The following PDLIM1 variants were observed in gnomAD, a reference collection of about 807,000 sequenced individuals.
The protein encoded by PDLIM1 is PDZ and LIM domain 1.
Under a neutral mutation model 35.2 loss-of-function variants are expected in PDLIM1, and 25 were observed. The observed-to-expected ratio is 0.71, with a 90% confidence interval of 0.52 to 0.99. The LOEUF (loss-of-function observed/expected upper bound fraction) is 0.99. PDLIM1 is among the 50% of genes least tolerant of loss of function. The pLI is 0.00. For synonymous variants in PDLIM1, 152 were observed against 154.0 expected (o/e 0.99, Z 0.10); for missense variants, 363 against 415.3 (o/e 0.87, Z 1.09).
At chr10:95,266,868 G>A (rs1051775932) in intron 3 of PDLIM1, among the ~76,000 whole-genome samples, 6 of 152,234 alleles carry the variant, frequency 3.9e-5, no homozygotes, top group South Asian at 2.1e-4. Flanking sequence ...AAGGGATGAT[G>A]TAATTGTTTG....
At chr10:95,240,133 C>T (rs1377759880) in intron 5 of PDLIM1, among the ~76,000 whole-genome samples, 1 of 152,192 alleles carries the variant, frequency 6.6e-6, no homozygotes, top group Non-Finnish European at 1.5e-5. Context: ...AATCCCATTA[C>T]TGGATGTATA....
At chr10:95,250,137 A>C (rs563018437) in intron 4 of PDLIM1, among the ~76,000 whole-genome samples, 3 of 152,164 alleles carry the variant, frequency 2.0e-5, no homozygotes, top group African/African-American at 7.2e-5. Context: ...AGCATATTAC[A>C]TTATTTTTGG....
intron 1 of PDLIM1, among the ~76,000 whole-genome samples, chr10:95,282,962 A>G (rs530179887): frequency 2.0e-4 from 30 of 152,316 alleles, no homozygotes; most frequent in African/African-American, 6.7e-4. Context: ...CGAGTTCCTC[A>G]AAAGTTTCCA....
chr10:95,288,861 T>C (rs1218899844), intron 1 of PDLIM1, among the ~76,000 whole-genome samples: 1 of 152,224 alleles, frequency 6.6e-6, no homozygotes, highest in African/African-American at 2.4e-5. Context: ...CATGAACACC[T>C]TGAGAATGGA....
intron 1 of PDLIM1, among the ~76,000 whole-genome samples, chr10:95,276,621 G>A (rs374792321): frequency 3.9e-4 from 59 of 152,188 alleles, no homozygotes; most frequent in East Asian, 2.7e-3. Context: ...GAGCGTTTAG[G>A]TACCAAGCAT....
At chr10:95,262,912 G>A (rs2133425506) in intron 4 of PDLIM1, among the ~76,000 whole-genome samples, 1 of 152,212 alleles carries the variant, frequency 6.6e-6, no homozygotes, top group Non-Finnish European at 1.5e-5. Flanking sequence ...GGAGTCTGAG[G>A]TGGGAGGATC....
At chr10:95,284,621 T>C (rs1375938064) in intron 1 of PDLIM1, among the ~76,000 whole-genome samples, 2 of 152,246 alleles carry the variant, frequency 1.3e-5, no homozygotes, top group Admixed American at 6.5e-5. Flanking sequence ...CCCAAAGTGC[T>C]GGGATTACAG....
At position 95,270,962 on chromosome 10, in the gene PDLIM1, G is replaced by A. The variant is rs537350299; in HGVS notation, c.248+671C>T. Among the ~76,000 whole-genome samples the A allele has an allele frequency of 2.6e-5, 4 of 151,422 alleles. No individual in the cohort carries two copies. In the South Asian group the frequency reaches 8.4e-4, roughly 32 times the overall value. On this transcript the variant is annotated intron_variant, in intron 2 of 6. Coordinates refer to ENST00000329399, the MANE Select transcript of PDLIM1 (RefSeq NM_020992.4). ...GATAGGGTTTCACCATGTTGGCCAGGCTGGTCTCAAACTCCAGACCTCAAG... is the reference window on the plus strand; with the variant it reads ...GATAGGGTTTCACCATGTTGGCCAGACTGGTCTCAAACTCCAGACCTCAAG...
At chr10:95,249,515 G>A (rs1480764238) in intron 4 of PDLIM1, among the ~76,000 whole-genome samples, 6 of 152,320 alleles carry the variant, frequency 3.9e-5, no homozygotes, top group South Asian at 4.1e-4. Context: ...GGCCAGGAGT[G>A]GTTTTATTCA....
intron 1 of PDLIM1, among the ~76,000 whole-genome samples, chr10:95,275,372 T>G (rs936244607): frequency 2.0e-5 from 3 of 152,246 alleles, no homozygotes; most frequent in Non-Finnish European, 2.9e-5. Flanking sequence ...GCAAATCCCC[T>G]GTCTTGATAA....
chr10:95,284,497 G>A (rs1035218613), intron 1 of PDLIM1, among the ~76,000 whole-genome samples: 3 of 152,008 alleles, frequency 2.0e-5, no homozygotes, highest in African/African-American at 7.3e-5. Context: ...GGAACTACAG[G>A]TGCCTGCCAC....
chr10:95,284,791 T>C (rs1240202930), intron 1 of PDLIM1, among the ~76,000 whole-genome samples: 2 of 152,220 alleles, frequency 1.3e-5, no homozygotes, highest in African/African-American at 2.4e-5. Context: ...ACAAGACCGC[T>C]GTGTTCTTCA....
chr10:95,268,829 C>T lies in PDLIM1; in HGVS notation c.282G>A (p.Thr94=), dbSNP rs749030987. ...SEHKVWSPLV[T]EEGKRHPYKM... ...TGTATGGATGACGCTTCCCTTCCTC[C>T]GTCACCAGAGGAGACCAGACTTTAT... The change falls in exon 3 of 7, where the codon ACG becomes ACA. Residue 94 remains threonine, a synonymous_variant. Coordinates refer to ENST00000329399, the MANE Select transcript of PDLIM1 (RefSeq NM_020992.4). 15 of 1,612,796 alleles carry T rather than the reference C, an allele frequency of 9.3e-6. No homozygotes were observed. Among genetic ancestry groups the T allele is most frequent in the Non-Finnish European group, 1.2e-5 (14 of 1,178,886 alleles).
chr10:95,275,328 T>G (rs1170704909), intron 1 of PDLIM1, among the ~76,000 whole-genome samples: 2 of 152,240 alleles, frequency 1.3e-5, no homozygotes, highest in East Asian at 3.8e-4. Flanking sequence ...GTCTTCCATT[T>G]AGCCAGCTCT....
intron 4 of PDLIM1, among the ~76,000 whole-genome samples, chr10:95,249,713 G>A (rs537798955): frequency 2.5e-4 from 38 of 152,102 alleles, no homozygotes; most frequent in Non-Finnish European, 4.6e-4. Flanking sequence ...TCTGGGGCAC[G>A]TTCAGTACTC....
chr10:95,251,683 CAGG>C (rs2035269287), intron 4 of PDLIM1, among the ~76,000 whole-genome samples: 1 of 152,210 alleles, frequency 6.6e-6, no homozygotes, highest in Non-Finnish European at 1.5e-5. Flanking sequence ...AGCATCCAGA[CAGG>C]AGAAGATGGT....
rs377327535 is a variant in PDLIM1 at position 95,263,868 on chromosome 10, T to A, written c.529A>T (p.Arg177Ter). The A allele has an allele frequency of 6.2e-7, 1 of 1,610,868 alleles. No individual in the cohort carries two copies. The highest frequency in any genetic ancestry group is 8.5e-7 in the Non-Finnish European group (1 of 1,178,302). The change falls in exon 4 of 7, where the codon AGA becomes TGA. Residue 177 changes from arginine (R) to a stop codon, truncating the protein, a stop_gained. Transcript: ENST00000329399. LOFTEE classifies it high-confidence loss of function. ...TAASGVEANS[R>*]PLDHAQPPSS... Reference sequence around the variant, plus strand: ...GAGGACTCCTGGGCTACTTACGGTCTGCTGTTCGCCTCCACCCCGCTGGCA... The same window carrying A: ...GAGGACTCCTGGGCTACTTACGGTCAGCTGTTCGCCTCCACCCCGCTGGCA...
intron 1 of PDLIM1, among the ~76,000 whole-genome samples, chr10:95,272,084 ATAT>A (rs1188410758): frequency 9.9e-5 from 15 of 152,162 alleles, no homozygotes; most frequent in African/African-American, 3.6e-4. Flanking sequence ...CCCAACTAGT[ATAT>A]TATTATATTA....
chr10:95,242,636 G>A (rs550583588), intron 5 of PDLIM1, among the ~76,000 whole-genome samples: 4 of 150,876 alleles, frequency 2.7e-5, no homozygotes, highest in South Asian at 2.1e-4. Flanking sequence ...GCAGTGAGAC[G>A]AGATCACGCC....
Sources: allele counts gnomAD v4.1 joint callset (sites outside exome capture counted in the v4.1 genomes callset), GRCh38; gene constraint gnomAD v4.1.1; transcripts MANE v1.5; gene names NCBI Gene and HGNC (gene_info 2026-07-23, HGNC 2026-07-21).